The following ARHGEF18 variants were observed in gnomAD, a reference collection of about 807,000 sequenced individuals.
The protein encoded by ARHGEF18 is rho guanine nucleotide exchange factor 18.
In ARHGEF18, 93 loss-of-function variants were observed where a neutral mutation model predicts 155.7. The ratio of observed to expected loss-of-function variants is 0.60; its 90% CI spans 0.50 to 0.71. The LOEUF (loss-of-function observed/expected upper bound fraction) is 0.71. ARHGEF18 is among the 30% of genes least tolerant of loss of function. The pLI is 0.00. For synonymous variants in ARHGEF18, 742 were observed against 753.1 expected (o/e 0.99, Z 0.24); for missense variants, 1,593 against 1,816.1 (o/e 0.88, Z 2.23).
intron 10 of ARHGEF18, among the ~76,000 whole-genome samples, chr19:7,430,753 T>G (rs539720451): frequency 1.6e-4 from 25 of 152,230 alleles, no homozygotes; most frequent in African/African-American, 6.0e-4. Context: ...TGCGGTAAGC[T>G]AAGTCTGTGC....
At chr19:7,423,320 C>A (rs1203280552) in intron 10 of ARHGEF18, among the ~76,000 whole-genome samples, 2 of 152,096 alleles carry the variant, frequency 1.3e-5, no homozygotes, top group Non-Finnish European at 2.9e-5. Flanking sequence ...AGGTTTATTT[C>A]CCCCTTGAAT....
intron 2 of ARHGEF18, among the ~76,000 whole-genome samples, chr19:7,366,459 T>C (rs561476318): frequency 6.6e-6 from 1 of 152,338 alleles, no homozygotes; most frequent in East Asian, 1.9e-4. Context: ...CTGCCTGTAA[T>C]GTGCTTACCT....
chr19:7,433,849 A>C (rs1304945483), intron 10 of ARHGEF18, among the ~76,000 whole-genome samples: 11 of 151,778 alleles, frequency 7.2e-5, no homozygotes, highest in Non-Finnish European at 2.9e-5. Context: ...GAGAAACCCT[A>C]TCTCTACTAA....
chr19:7,446,698 G>A (rs899287708), intron 14 of ARHGEF18, among the ~76,000 whole-genome samples: 5 of 151,784 alleles, frequency 3.3e-5, no homozygotes, highest in Non-Finnish European at 5.9e-5. Flanking sequence ...CCAAGATCAC[G>A]CCACTGCACT....
At chr19:7,434,625 G>T (rs1373477811) in intron 10 of ARHGEF18, among the ~76,000 whole-genome samples, 3 of 152,164 alleles carry the variant, frequency 2.0e-5, no homozygotes, top group Non-Finnish European at 4.4e-5. Flanking sequence ...AAGCACCATG[G>T]CCGTCTGCTG....
chr19:7,392,580 G>C (rs570951393), intron 10 of ARHGEF18: 2 of 151,322 alleles, frequency 1.3e-5, no homozygotes, highest in African/African-American at 4.9e-5. Context: ...GCCAGGCTTG[G>C]TGGTGCATAC....
At chr19:7,437,483 G>C (rs936335741) in intron 10 of ARHGEF18, among the ~76,000 whole-genome samples, 1 of 151,398 alleles carries the variant, frequency 6.6e-6, no homozygotes, top group Non-Finnish European at 1.5e-5. Context: ...GAGCTGCTGC[G>C]AGTACGTTTT....
chr19:7,429,913 A>G (rs1309546742), intron 10 of ARHGEF18, among the ~76,000 whole-genome samples: 1 of 150,638 alleles, frequency 6.6e-6, no homozygotes, highest in Non-Finnish European at 1.5e-5. Flanking sequence ...AACAAGCCTC[A>G]GTGCATCCTG....
At chr19:7,478,594 G>T in the ARHGEF18 span, among the ~76,000 whole-genome samples, 1 of 152,082 alleles carries the variant, frequency 6.6e-6, no homozygotes, top group Non-Finnish European at 1.5e-5. Flanking sequence ...ACATCGTCCT[G>T]CACTTCTGAC....
Position 7,467,593 on chromosome 19 carries a change from T to TGGAGCGCGAGCG in ARHGEF18, c.3397_3408dup (p.Glu1133_Arg1136dup). 2.7e-6 allele frequency: 4 copies of TGGAGCGCGAGCG among 1,506,450 alleles called. No homozygotes were observed. Among genetic ancestry groups the TGGAGCGCGAGCG allele is most frequent in the Non-Finnish European group, 3.5e-6 (4 of 1,135,738 alleles). 93.3% of individuals were successfully genotyped at this position (1,506,450 alleles called of 1,614,324 possible). On this transcript the variant is annotated inframe_insertion, in exon 26 of 29. Coordinates refer to ENST00000668164, the MANE Select transcript of ARHGEF18 (RefSeq NM_001367823.1). ...CGGCTGCGCGAGGCCCAGCGTGCCG[T>TGGAGCGCGAGCG]GGAGCGCGAGCGGGAGCGCCTGGAG... is the stretch of plus-strand genomic sequence containing the variant.
In ARHGEF18 at chr19:7,450,109, G is replaced by A. The variant is rs79691843; in HGVS notation, c.1738-1040G>A. ...GAGCCCCCAGCCTTGGCAGCCGATT[G>A]TTGACAAATTGGGCAGAAACCGAGA... is the stretch of plus-strand genomic sequence containing the variant. On this transcript the variant is annotated intron_variant, in intron 15 of 28. Transcript: ENST00000668164. Among the ~76,000 whole-genome samples the A allele has an allele frequency of 1.7e-4, 25 of 150,156 alleles. No individual in the cohort carries two copies. In the East Asian group the frequency reaches 4.9e-3, roughly 29 times the overall value.
chr19:7,433,296 G>A (rs542626150), intron 10 of ARHGEF18, among the ~76,000 whole-genome samples: 1 of 151,546 alleles, frequency 6.6e-6, no homozygotes, highest in African/African-American at 2.4e-5. Context: ...GTGAAACCCC[G>A]TCTCTACTAA....
At chr19:7,396,487 G>A (rs1275929252) in intron 10 of ARHGEF18, among the ~76,000 whole-genome samples, 6 of 152,162 alleles carry the variant, frequency 3.9e-5, no homozygotes, top group Admixed American at 6.6e-5. Flanking sequence ...GGAGGCCAAG[G>A]TGGGTGGATC....
Position 7,440,803 on chromosome 19 carries a change from G to A in ARHGEF18, c.1106+321G>A, listed in dbSNP as rs552616985. Among the ~76,000 whole-genome samples the A allele has an allele frequency of 3.3e-5, 5 of 152,090 alleles. No homozygotes were observed. The highest frequency in any genetic ancestry group is 4.4e-5 in the Non-Finnish European group (3 of 68,008). On this transcript the variant is annotated intron_variant, in intron 11 of 28. Transcript: ENST00000668164. This position sits in a 1 kb window ranked among gnomAD's most constrained non-coding sequence, Gnocchi z 5.4. ...AAAGTCCTGCTGGGTGTGTGGAGGC[G>A]GCGTCCCATTATCTGTGCCTTACCT...
intron 5 of ARHGEF18, 148 bp from the exon 6 acceptor site, chr19:7,378,246 C>T (rs1970555449): frequency 1.4e-5 from 7 of 487,972 alleles, no homozygotes; most frequent in African/African-American, 2.0e-5. Context: ...GTCCTCTTCT[C>T]GTCTCTGTTG....
In ARHGEF18 at chr19:7,463,054, G is replaced by A. The variant is rs547540461; in HGVS notation, c.2635+720G>A. ...TCACCATGTTGGCCAGGCTGGTCTC[G>A]AACTCCTGACCTCAGATGATCCACC... On this transcript the variant is annotated intron_variant, in intron 21 of 28. Coordinates refer to ENST00000668164, the MANE Select transcript of ARHGEF18 (RefSeq NM_001367823.1). This position sits in a 1 kb window ranked among gnomAD's most constrained non-coding sequence, Gnocchi z 5.2. Among the ~76,000 whole-genome samples the A allele has an allele frequency of 2.0e-5, 3 of 152,026 alleles. No individual in the cohort carries two copies. Among genetic ancestry groups the A allele is most frequent in the East Asian group, 1.9e-4 (1 of 5,158 alleles).
chr19:7,399,494 T>G (rs1046766865), intron 10 of ARHGEF18, among the ~76,000 whole-genome samples: 2 of 152,034 alleles, frequency 1.3e-5, no homozygotes, highest in Admixed American at 1.3e-4. Context: ...CTTCTTTTTT[T>G]TTTTTGAGAC....
chr19:7,438,493 C>T (rs893665949), intron 10 of ARHGEF18, among the ~76,000 whole-genome samples: 1 of 151,520 alleles, frequency 6.6e-6, no homozygotes, highest in Non-Finnish European at 1.5e-5. Context: ...CTCACCACAA[C>T]CTCCACCTCC....
chr19:7,360,947 C>T (rs117800410), intron 1 of ARHGEF18, among the ~76,000 whole-genome samples: 95 of 152,268 alleles, frequency 6.2e-4, no homozygotes, highest in Admixed American at 2.3e-3. Flanking sequence ...TGGCATTGCT[C>T]GTTACTGTCC....
Sources: gnomAD v4.1 joint callset for allele counts (sites outside exome capture counted in the v4.1 genomes callset) on GRCh38, gnomAD v4.1.1 for gene constraint, Gnocchi (gnomAD v3.1) non-coding constraint, MANE v1.5 for transcripts, NCBI Gene and HGNC (gene_info 2026-07-23, HGNC 2026-07-21) for gene names.